Variants in SLC16A9 observed in about 807,000 individuals in gnomAD.
SLC16A9 encodes monocarboxylate transporter 9.
SLC16A9 carries 26 observed loss-of-function variants against 44.3 expected under a neutral mutation model. The ratio of observed to expected loss-of-function variants is 0.59; its 90% CI spans 0.43 to 0.81. SLC16A9 has a LOEUF of 0.81. Ranked by LOEUF, SLC16A9 falls within the 40% of genes least tolerant of loss-of-function variation. The pLI is 0.00. For synonymous variants in SLC16A9, 230 were observed against 225.1 expected, an observed-to-expected ratio of 1.02 and a Z score of -0.19; for missense variants, 559 against 595.8, an observed-to-expected ratio of 0.94 and a Z score of 0.64.
At chr10:59,667,232 G>A (rs570633255) in intron 3 of SLC16A9, among the ~76,000 whole-genome samples, 2 of 152,226 alleles carry the variant, frequency 1.3e-5, no homozygotes, top group East Asian at 3.9e-4. Flanking sequence ...ACAAATTTCG[G>A]TAGAGGAATA....
chr10:59,663,747 T>C (rs1187932856), intron 4 of SLC16A9, among the ~76,000 whole-genome samples: 1 of 152,076 alleles, frequency 6.6e-6, no homozygotes, highest in Non-Finnish European at 1.5e-5. Context: ...ACCCAGAACT[T>C]AAAATATAAT....
At chr10:59,653,398 C>G (rs2132390132) in intron 5 of SLC16A9, among the ~76,000 whole-genome samples, 1 of 105,982 alleles carries the variant, frequency 9.4e-6, no homozygotes, top group Admixed American at 1.5e-4. Context: ...TGCACTCCAG[C>G]CTGGGCGACA....
intron 1 of SLC16A9, among the ~76,000 whole-genome samples, chr10:59,701,529 A>G (rs1353065876): frequency 1.3e-5 from 2 of 152,232 alleles, no homozygotes; most frequent in Non-Finnish European, 2.9e-5. Flanking sequence ...TCTTTCCCTC[A>G]TGAAGCTTAC....
At chr10:59,660,655 A>G (rs1250440318) in intron 4 of SLC16A9, among the ~76,000 whole-genome samples, 7 of 152,248 alleles carry the variant, frequency 4.6e-5, no homozygotes, top group Admixed American at 4.6e-4. Context: ...TCATTGTATG[A>G]GGCCAGCATC....
intron 1 of SLC16A9, among the ~76,000 whole-genome samples, chr10:59,702,779 A>T (rs974473413): frequency 2.6e-5 from 4 of 152,214 alleles, no homozygotes; most frequent in South Asian, 2.1e-4. Flanking sequence ...ATAGCTTTTT[A>T]AAAAAATCGA....
chr10:59,677,631 C>A (rs1183029810), intron 2 of SLC16A9, among the ~76,000 whole-genome samples: 2 of 152,074 alleles, frequency 1.3e-5, no homozygotes, highest in African/African-American at 2.4e-5. Flanking sequence ...GTTCAGACGG[C>A]TTGTTTGGGG....
chr10:59,654,611 T>C (rs1466838031), intron 4 of SLC16A9, 22 bp from the exon 5 acceptor site: 4 of 1,520,360 alleles, frequency 2.6e-6, no homozygotes, highest in East Asian at 2.3e-5. Context: ...ATGGGAACTG[T>C]TCAACCTCGT....
In SLC16A9 at chr10:59,709,817, C is replaced by T. The variant is rs1393133750; in HGVS notation, c.-375G>A. 6.5e-6 allele frequency: 1 copy of T among 152,752 alleles called. No homozygotes were observed. Among genetic ancestry groups the T allele is most frequent in the Non-Finnish European group, 1.5e-5 (1 of 68,458 alleles). The allele number at this position is 152,752 out of a possible 1,614,324, so 9.5% of individuals were successfully genotyped here. ...GGTTTTCCCTGCTGTCTTTTTCTCC[C>T]TTGTCTCTCTTTGCGGGGCACCCCG... On this transcript the variant is annotated 5_prime_UTR_variant, in exon 1 of 6. Coordinates refer to ENST00000395348, the MANE Select transcript of SLC16A9 (RefSeq NM_194298.3).
chr10:59,685,526 T>C (rs1564707798), intron 1 of SLC16A9, among the ~76,000 whole-genome samples: 1 of 152,226 alleles, frequency 6.6e-6, no homozygotes, highest in East Asian at 1.9e-4. Context: ...TGTGCCTTGT[T>C]CTCTTTCACT....
chr10:59,696,436 C>T (rs1439864892), intron 1 of SLC16A9, among the ~76,000 whole-genome samples: 3 of 152,190 alleles, frequency 2.0e-5, no homozygotes, highest in Admixed American at 6.5e-5. Context: ...AGTGCAGTGG[C>T]GTGATCTCTG....
chr10:59,697,249 A>G (rs1291728138), intron 1 of SLC16A9, among the ~76,000 whole-genome samples: 1 of 151,750 alleles, frequency 6.6e-6, no homozygotes, highest in African/African-American at 2.4e-5. Flanking sequence ...CAGCTCATTG[A>G]GAACAGGCCA....
chr10:59,666,548 C>T (rs970303107), intron 3 of SLC16A9, among the ~76,000 whole-genome samples: 1 of 152,032 alleles, frequency 6.6e-6, no homozygotes, highest in Non-Finnish European at 1.5e-5. Context: ...AAAAAGCCTA[C>T]CACAAACTAA....
intron 2 of SLC16A9, among the ~76,000 whole-genome samples, chr10:59,680,780 A>G (rs1839967837): frequency 6.6e-6 from 1 of 152,104 alleles, no homozygotes; most frequent in Non-Finnish European, 1.5e-5. Flanking sequence ...CAGGAGTTTG[A>G]GACCAGCCTG....
chr10:59,686,437 A>G lies in SLC16A9; in HGVS notation c.-36-2110T>C, dbSNP rs189969080. On this transcript the variant is annotated intron_variant, in intron 1 of 5. Coordinates refer to ENST00000395348, the MANE Select transcript of SLC16A9 (RefSeq NM_194298.3). Reference sequence around the variant, plus strand: ...AATTGACCTTTTATGATGTCAACTCATTCTAAGAACATAATATGTTTTGCA... The same window carrying G: ...AATTGACCTTTTATGATGTCAACTCGTTCTAAGAACATAATATGTTTTGCA... Among the ~76,000 whole-genome samples the G allele has an allele frequency of 3.8e-4, 58 of 152,370 alleles. 1 individual carries two copies. The highest frequency in any genetic ancestry group is 6.9e-4 in the Non-Finnish European group (47 of 68,034).
chr10:59,695,216 G>A (rs543134158), intron 1 of SLC16A9, among the ~76,000 whole-genome samples: 1 of 152,184 alleles, frequency 6.6e-6, no homozygotes, highest in Admixed American at 6.5e-5. Flanking sequence ...CGGGGGTGAT[G>A]AAAATGCTCT....
chr10:59,692,679 C>A (rs1170219964), intron 1 of SLC16A9, among the ~76,000 whole-genome samples: 1 of 152,106 alleles, frequency 6.6e-6, no homozygotes, highest in Non-Finnish European at 1.5e-5. Context: ...ACCTGTTCAG[C>A]CAGAAGCAGT....
intron 4 of SLC16A9, 31 bp downstream of exon 4, chr10:59,664,196 T>A (rs1271967689): frequency 2.5e-5 from 38 of 1,497,616 alleles, no homozygotes; most frequent in Non-Finnish European, 2.9e-5. Context: ...GACTGAATGG[T>A]GACAATACTG....
chr10:59,680,956 A>C (rs1171599), intron 2 of SLC16A9, among the ~76,000 whole-genome samples: 150,377 of 151,830 alleles, frequency 0.99, 74,488 homozygotes, highest in Middle Eastern at 1. Flanking sequence ...GCACTCCAGC[A>C]TGGGTGACAG....
At chr10:59,669,397 G>T (rs1416992446) in intron 3 of SLC16A9, among the ~76,000 whole-genome samples, 3 of 152,202 alleles carry the variant, frequency 2.0e-5, no homozygotes, top group Non-Finnish European at 4.4e-5. Context: ...TAATGAGCTT[G>T]TTGGCAGTAT....
Sources: allele counts gnomAD v4.1 joint callset (sites outside exome capture counted in the v4.1 genomes callset), GRCh38; gene constraint gnomAD v4.1.1; transcripts MANE v1.5; gene names NCBI Gene and HGNC (gene_info 2026-07-23, HGNC 2026-07-21).